CYFIP1: variants seen among roughly 807,000 people sequenced by gnomAD.
CYFIP1 encodes cytoplasmic FMR1-interacting protein 1.
A neutral mutation model predicts 163.5 loss-of-function variants in CYFIP1; 58 were observed. That is an observed-to-expected ratio of 0.35 (90% confidence interval 0.29 to 0.44). The LOEUF (loss-of-function observed/expected upper bound fraction) is 0.44. Among genes scored for constraint, CYFIP1 ranks in the 20% least tolerant of loss-of-function variants. The pLI is 1.00. For missense variants in CYFIP1, 1,338 were observed against 1,653.8 expected (o/e 0.81, Z 3.31); for synonymous variants, 663 against 660.7 (o/e 1.00, Z -0.05).
At chr15:22,927,638 A>T (rs2061399138) in intron 12 of CYFIP1, among the ~76,000 whole-genome samples, 2 of 152,106 alleles carry the variant, frequency 1.3e-5, no homozygotes, top group Admixed American at 6.6e-5. Flanking sequence ...CCTAAGCGAC[A>T]GGGTGAGACT....
intron 23 of CYFIP1, among the ~76,000 whole-genome samples, chr15:22,892,433 T>C (rs930958643): frequency 1.3e-5 from 2 of 152,180 alleles, no homozygotes; most frequent in African/African-American, 4.8e-5. Flanking sequence ...TCCTTGTTTC[T>C]GGATGTCAGA....
chr15:22,873,320 G>C (rs2059488980), intron 29 of CYFIP1, among the ~76,000 whole-genome samples, 171 bp downstream of exon 29: 1 of 152,126 alleles, frequency 6.6e-6, no homozygotes, highest in Non-Finnish European at 1.5e-5. Context: ...TCCTGAGTCA[G>C]CTCTTTGGCA....
chr15:22,941,175 C>T (rs111621393), intron 6 of CYFIP1, among the ~76,000 whole-genome samples: 10 of 152,158 alleles, frequency 6.6e-5, no homozygotes, highest in African/African-American at 9.7e-5. Context: ...CCAACCTCAG[C>T]GTCCCAAGTA....
At chr15:22,902,825 C>T (rs1389119371) in intron 22 of CYFIP1, among the ~76,000 whole-genome samples, 5 of 152,174 alleles carry the variant, frequency 3.3e-5, no homozygotes, top group Admixed American at 6.5e-5. Context: ...CCCAGGGGTC[C>T]TGAACAGACG....
At chr15:22,948,075 G>T (rs370333788) in intron 1 of CYFIP1, 5 of 817,456 alleles carry the variant, frequency 6.1e-6, no homozygotes, top group Middle Eastern at 6.2e-4. Context: ...ACACTGAACA[G>T]AAGGAGCCCC....
chr15:22,958,006 A>T (rs925004506), intron 1 of CYFIP1, among the ~76,000 whole-genome samples: 1 of 152,242 alleles, frequency 6.6e-6, no homozygotes, highest in Non-Finnish European at 1.5e-5. Flanking sequence ...TGCAGCACAG[A>T]AACAGGCTGT....
intron 1 of CYFIP1, among the ~76,000 whole-genome samples, chr15:22,970,742 T>C (rs554157832): frequency 5.9e-5 from 9 of 152,312 alleles, no homozygotes; most frequent in East Asian, 1.9e-4. Context: ...TATCCACACA[T>C]ACATGAATTA....
At chr15:22,880,981 A>C (rs1205696223) in intron 25 of CYFIP1, among the ~76,000 whole-genome samples, 1 of 152,178 alleles carries the variant, frequency 6.6e-6, no homozygotes, top group Non-Finnish European at 1.5e-5. Context: ...TAATCATCCC[A>C]GCATTCCTCC....
chr15:22,912,282 A>G lies in CYFIP1; in HGVS notation c.1986-7T>C, dbSNP rs534555500. ...CAGGGAGTAGAGCACGTACCTGCAG[A>G]GGACAGCAGCAGTGTGACCAGCAGC... On this transcript the variant is annotated splice_polypyrimidine_tract_variant and splice_region_variant and intron_variant, in intron 17 of 30. Coordinates refer to ENST00000617928, the MANE Select transcript of CYFIP1 (RefSeq NM_014608.6). 4 of 1,608,406 alleles carry G rather than the reference A, an allele frequency of 2.5e-6. No individual in the cohort carries two copies. The East Asian group carries it at 9.0e-5, about 36-fold the overall frequency.
chr15:22,879,924 C>T lies in CYFIP1; in HGVS notation c.3031G>A (p.Glu1011Lys), dbSNP rs764318239. 1.1e-5 allele frequency: 17 copies of T among 1,611,932 alleles called. No homozygotes were observed. Among genetic ancestry groups the T allele is most frequent in the East Asian group, 6.7e-5 (3 of 44,874 alleles). The part of the protein sequence containing the change: ...GNAILFCLLI[E>K]QSLSLEEVCD... ...GGGGGGCCACTCACCAGGCTCTGCT[C>T]GATGAGCAGGCAGAAGAGGATGGCG... The change falls in exon 26 of 31, where the codon GAG becomes AAG. Residue 1011 changes from glutamate (E) to lysine (K), a missense_variant. This residue lies in a region of CYFIP1 where 306 missense variants were observed against 322.1 expected (regional missense o/e 0.95). Coordinates refer to ENST00000617928, the MANE Select transcript of CYFIP1 (RefSeq NM_014608.6).
intron 3 of CYFIP1, among the ~76,000 whole-genome samples, chr15:22,946,058 CT>C (rs2062048161): frequency 1.3e-5 from 2 of 152,094 alleles, no homozygotes; most frequent in Non-Finnish European, 1.5e-5. Context: ...AATCCCAGTA[CT>C]TTGGGAGGCT....
At position 22,939,194 on chromosome 15, in the gene CYFIP1, T is replaced by C. The variant is rs752262884; in HGVS notation, c.793A>G (p.Lys265Glu). Reference sequence around the variant, plus strand: ...GGCTAGCGTCCCCACACACGTACTTTGAGAAGCATGTGTTTCTCACTGGGC... The same window carrying C: ...GGCTAGCGTCCCCACACACGTACTTCGAGAAGCATGTGTTTCTCACTGGGC... ...LTPSEKHMLL[K>E]VMGFGLYLMD... Residue 265 changes from lysine to glutamate, a missense_variant and splice_region_variant, in exon 8 of 31, where the codon AAA (lysine) becomes GAA (glutamate). Lys to Glu is a moderately conservative substitution (Grantham distance 56). This residue lies in a region of CYFIP1 where 824 missense variants were observed against 995.7 expected (regional missense o/e 0.83). Transcript: ENST00000617928. 4 of 1,614,050 alleles carry C rather than the reference T, an allele frequency of 2.5e-6. No homozygotes were observed.
In CYFIP1 at chr15:22,917,839, G is replaced by A. The variant is rs764174349; in HGVS notation, c.1623C>T (p.Ser541=). 34 of 1,613,720 alleles carry A rather than the reference G, an allele frequency of 2.1e-5. No individual in the cohort carries two copies. The East Asian group carries it at 2.5e-4, about 12-fold the overall frequency. Residue 541 remains serine, a synonymous_variant, in exon 15 of 31, where the codon AGC becomes AGT. Coordinates refer to ENST00000617928, the MANE Select transcript of CYFIP1 (RefSeq NM_014608.6). This position sits in a 1 kb window ranked among gnomAD's most constrained non-coding sequence, Gnocchi z 4.2. Reference sequence around the variant, plus strand: ...GGCGTGGTACTTTTATGTCGAAGCCGCTCTTGGGGTCCTTCTCGCCCCGCA... The same window carrying A: ...GGCGTGGTACTTTTATGTCGAAGCCACTCTTGGGGTCCTTCTCGCCCCGCA... ...PALRGEKDPK[S]GFDIKVPRRA...
intron 11 of CYFIP1, among the ~76,000 whole-genome samples, chr15:22,928,593 C>T (rs1485562996): frequency 1.3e-5 from 2 of 152,096 alleles, no homozygotes; most frequent in African/African-American, 2.4e-5. Flanking sequence ...GTGGGCTTGG[C>T]GCACTTCCAC....
At chr15:22,944,426 T>G in intron 5 of CYFIP1, 132 bp downstream of exon 5, 1 of 644,224 alleles carries the variant, frequency 1.6e-6, no homozygotes, top group East Asian at 2.7e-5. Flanking sequence ...TTGGTCCCTT[T>G]TGTCTCAGAA....
intron 22 of CYFIP1, 59 bp downstream of exon 22, chr15:22,903,647 C>T (rs568774622): frequency 8.5e-5 from 133 of 1,569,524 alleles, no homozygotes; most frequent in East Asian, 1.6e-4. Flanking sequence ...AGGAAGCCTG[C>T]GGGGACATGG....
At chr15:22,926,954 A>T (rs2061375216) in intron 12 of CYFIP1, among the ~76,000 whole-genome samples, 1 of 152,232 alleles carries the variant, frequency 6.6e-6, no homozygotes, top group African/African-American at 2.4e-5. Context: ...GTATGACTGT[A>T]TTAAATTATC....
rs1357513271 is a variant in CYFIP1 at position 22,867,335 on chromosome 15, ATATT to A, written c.*2689_*2692del. 1 of 396,522 alleles carries A rather than the reference ATATT, an allele frequency of 2.5e-6. No individual in the cohort carries two copies. The highest frequency in any genetic ancestry group is 4.4e-6 in the Non-Finnish European group (1 of 225,046). 24.6% of individuals were successfully genotyped at this position (396,522 alleles called of 1,614,324 possible). On this transcript the variant is annotated 3_prime_UTR_variant, in exon 31 of 31. Coordinates refer to ENST00000617928, the MANE Select transcript of CYFIP1 (RefSeq NM_014608.6). Reference sequence around the variant, plus strand: ...GATGATGATTGGTTTTATTTTTGAAATATTTATTAAGGGAAAACTAAGTTACTGA... The same window carrying A: ...GATGATGATTGGTTTTATTTTTGAAATATTAAGGGAAAACTAAGTTACTGA...
At chr15:22,886,701 G>A (rs900929818) in intron 23 of CYFIP1, among the ~76,000 whole-genome samples, 19 of 152,212 alleles carry the variant, frequency 1.2e-4, no homozygotes, top group Middle Eastern at 3.4e-3. Context: ...ATGGCCCAGC[G>A]TATGGTCTAT....
Sources: gnomAD v4.1 joint callset for allele counts (sites outside exome capture counted in the v4.1 genomes callset) on GRCh38, gnomAD v4.1.1 for gene constraint, gnomAD v4.1.1 regional missense constraint, Gnocchi (gnomAD v3.1) non-coding constraint, MANE v1.5 for transcripts, NCBI Gene and HGNC (gene_info 2026-07-23, HGNC 2026-07-21) for gene names.